PDE4D: variants seen among roughly 807,000 people sequenced by gnomAD.
PDE4D encodes phosphodiesterase 4D, also known as 3',5'-cyclic-AMP phosphodiesterase 4D.
A neutral mutation model predicts 87.4 loss-of-function variants in PDE4D; 24 were observed. The observed-to-expected ratio is 0.27, with a 90% CI of 0.20 to 0.39. The LOEUF is 0.39. Among genes scored for constraint, PDE4D ranks in the 10% least tolerant of loss-of-function variants. PDE4D has a pLI of 1.00. For missense variants in PDE4D, 714 were observed against 1,041.0 expected (o/e 0.69, Z 4.32); for synonymous variants, 384 against 383.2 (o/e 1.00, Z -0.02).
At chr5:60,110,795 TAC>T (rs1777595647) in intron 2 of PDE4D, among the ~76,000 whole-genome samples, 1 of 152,102 alleles carries the variant, frequency 6.6e-6, no homozygotes, top group Non-Finnish European at 1.5e-5. Flanking sequence ...ATGTGGTATA[TAC>T]ACACAATGAA....
At chr5:60,304,352 T>C (rs1254495573) in intron 1 of PDE4D, among the ~76,000 whole-genome samples, 1 of 151,846 alleles carries the variant, frequency 6.6e-6, no homozygotes, top group Non-Finnish European at 1.5e-5. Flanking sequence ...GTTGATGAAA[T>C]GGAGAGAGAA....
chr5:59,401,042 C>T (rs368195928), intron 1 of PDE4D, among the ~76,000 whole-genome samples: 10 of 152,318 alleles, frequency 6.6e-5, no homozygotes, highest in African/African-American at 1.9e-4. Flanking sequence ...GACTCCTTTG[C>T]TGATGGTTCA....
Position 58,973,792 on chromosome 5 carries a change from G to GACTT in PDE4D, c.*868_*871dup, listed in dbSNP as rs573384171. The stretch of plus-strand genomic sequence containing the variant: ...AACAAAATGCAAAGTAAATAATAAA[G>GACTT]ACTTACAAAAAGGGTTTCCTGCAAC... On this transcript the variant is annotated 3_prime_UTR_variant, in exon 15 of 15. Coordinates refer to ENST00000340635, the MANE Select transcript of PDE4D (RefSeq NM_001104631.2). The GACTT allele has an allele frequency of 1.5e-4, 23 of 152,428 alleles. No individual in the cohort carries two copies. Among genetic ancestry groups the GACTT allele is most frequent in the East Asian group, 3.9e-4 (2 of 5,160 alleles). 9.4% of individuals were successfully genotyped at this position (152,428 alleles called of 1,614,324 possible).
chr5:59,250,259 G>T (rs1759652630), intron 1 of PDE4D, among the ~76,000 whole-genome samples: 1 of 151,160 alleles, frequency 6.6e-6, no homozygotes, highest in East Asian at 2.0e-4. Context: ...GGGAGGCTGA[G>T]GCAGGCAGAT....
At chr5:59,014,922 G>A (rs1207398611) in intron 6 of PDE4D, among the ~76,000 whole-genome samples, 1 of 152,148 alleles carries the variant, frequency 6.6e-6, no homozygotes. Flanking sequence ...TACAAGAACA[G>A]AGATATAGGC....
chr5:59,844,440 T>C (rs1740104115), intron 1 of PDE4D, among the ~76,000 whole-genome samples: 1 of 152,126 alleles, frequency 6.6e-6, no homozygotes, highest in South Asian at 2.1e-4. Flanking sequence ...AGTTTTCCAT[T>C]TTTTAATATT....
intron 1 of PDE4D, among the ~76,000 whole-genome samples, chr5:59,634,569 A>G (rs1831997073): frequency 1.3e-5 from 2 of 152,222 alleles, no homozygotes; most frequent in Non-Finnish European, 2.9e-5. Context: ...GTTAGAACTC[A>G]GGATTAAGAA....
chr5:59,300,139 G>C (rs1427397430), intron 1 of PDE4D, among the ~76,000 whole-genome samples: 1 of 135,734 alleles, frequency 7.4e-6, no homozygotes, highest in African/African-American at 2.7e-5. Flanking sequence ...AAAAAAAAAG[G>C]CTTACAGTGT....
intron 1 of PDE4D, among the ~76,000 whole-genome samples, chr5:59,546,466 C>A (rs796182227): frequency 2.0e-5 from 3 of 151,774 alleles, no homozygotes; most frequent in South Asian, 2.1e-4. Flanking sequence ...TCTAATCTCA[C>A]GAAAAATATG....
intron 1 of PDE4D, among the ~76,000 whole-genome samples, chr5:60,278,814 G>A (rs908105918): frequency 1.3e-5 from 2 of 151,942 alleles, no homozygotes; most frequent in Non-Finnish European, 2.9e-5. Context: ...TTCTAAAGGT[G>A]TTCAGATTTG....
intron 3 of PDE4D, among the ~76,000 whole-genome samples, chr5:59,957,325 G>A (rs548186040): frequency 8.1e-4 from 123 of 151,798 alleles, no homozygotes; most frequent in African/African-American, 2.8e-3. Flanking sequence ...TTCCAGTATA[G>A]AATTAGACAG....
chr5:60,458,244 G>A (rs1746630195), intron 1 of PDE4D, among the ~76,000 whole-genome samples: 1 of 152,022 alleles, frequency 6.6e-6, no homozygotes, highest in Non-Finnish European at 1.5e-5. Flanking sequence ...AAAATTAGCT[G>A]GGCATGGTGT....
At chr5:59,748,762 C>T (rs1580852972) in intron 1 of PDE4D, among the ~76,000 whole-genome samples, 1 of 152,106 alleles carries the variant, frequency 6.6e-6, no homozygotes, top group Non-Finnish European at 1.5e-5. Flanking sequence ...ATGTAACAAA[C>T]CTGCACGCTG....
intron 2 of PDE4D, among the ~76,000 whole-genome samples, chr5:60,124,045 T>C (rs1778920940): frequency 6.6e-6 from 1 of 152,198 alleles, no homozygotes; most frequent in African/African-American, 2.4e-5. Flanking sequence ...TATCAAAATT[T>C]GAACGTAACA....
intron 2 of PDE4D, among the ~76,000 whole-genome samples, chr5:60,025,338 T>C (rs1202845130): frequency 6.6e-6 from 1 of 152,174 alleles, no homozygotes; most frequent in East Asian, 1.9e-4. Context: ...AAAGACATTA[T>C]GCCCCCGACT....
chr5:59,424,657 A>T (rs970943480), intron 1 of PDE4D, among the ~76,000 whole-genome samples: 15 of 152,206 alleles, frequency 9.9e-5, no homozygotes, highest in African/African-American at 3.4e-4. Context: ...CGAGAGCAGC[A>T]TGGGGAAACT....
At chr5:59,116,460 A>G (rs1278255283) in intron 5 of PDE4D, among the ~76,000 whole-genome samples, 2 of 152,220 alleles carry the variant, frequency 1.3e-5, no homozygotes, top group Non-Finnish European at 2.9e-5. Context: ...AACGTGATCA[A>G]TGAGCATCGA....
chr5:59,423,401 C>G (rs775261986), intron 1 of PDE4D, among the ~76,000 whole-genome samples: 23 of 152,190 alleles, frequency 1.5e-4, no homozygotes, highest in Admixed American at 5.9e-4. Context: ...CTGCTTCCTT[C>G]TGTTGGTGTA....
chr5:59,586,884 C>A, intron 1 of PDE4D: 1 of 985,382 alleles, frequency 1.0e-6, no homozygotes. Context: ...TTTCTTCTTT[C>A]TTAGGCACAT....
Sources: gnomAD v4.1 joint callset for allele counts (sites outside exome capture counted in the v4.1 genomes callset) on GRCh38, gnomAD v4.1.1 for gene constraint, MANE v1.5 for transcripts, NCBI Gene and HGNC (gene_info 2026-07-23, HGNC 2026-07-21) for gene names.